Variants in P2RX3 observed in about 807,000 individuals in gnomAD.
P2RX3 encodes the protein P2X purinoceptor 3.
P2RX3 carries 41 observed loss-of-function variants against 51.5 expected under a neutral mutation model. The observed-to-expected ratio is 0.80, with a 90% CI of 0.62 to 1.03. The LOEUF (loss-of-function observed/expected upper bound fraction) is 1.03. Among genes scored for constraint, P2RX3 ranks in the 50% least tolerant of loss-of-function variants. The pLI is 0.00. For synonymous variants in P2RX3, 185 were observed against 191.6 expected (o/e 0.97, Z 0.29); for missense variants, 459 against 522.1 (o/e 0.88, Z 1.18).
At chr11:57,351,014 C>T (rs1003230746) in intron 8 of P2RX3, 116 bp downstream of exon 8, 77 of 1,446,602 alleles carry the variant, frequency 5.3e-5, no homozygotes, top group Non-Finnish European at 7.1e-5. Context: ...CAAGTCCCAC[C>T]TCAGGTTTCA....
intron 6 of P2RX3, 139 bp downstream of exon 6, chr11:57,348,843 T>G: frequency 1.6e-6 from 1 of 608,120 alleles, no homozygotes; most frequent in Non-Finnish European, 2.8e-6. Flanking sequence ...GGGCCTACCA[T>G]TCCCAATCTC....
intron 7 of P2RX3, 27 bp from the exon 8 acceptor site, chr11:57,350,733 GAA>G: frequency 6.2e-7 from 1 of 1,613,058 alleles, no homozygotes; most frequent in Non-Finnish European, 8.5e-7. Context: ...AGGGCGAGGG[GAA>G]AGCTCATACC....
intron 8 of P2RX3, among the ~76,000 whole-genome samples, chr11:57,359,123 C>T (rs551783506): frequency 4.8e-4 from 73 of 152,316 alleles, no homozygotes; most frequent in African/African-American, 1.7e-3. Context: ...CCACTGTAGA[C>T]CTGCCGCCCC....
At position 57,371,596 on chromosome 11, in the gene P2RX3, G is replaced by A. The variant is rs1026444480; in HGVS notation, c.*1599G>A. Among the ~76,000 whole-genome samples, 21 of 152,162 alleles carry A rather than the reference G, an allele frequency of 1.4e-4. No homozygotes were observed. The highest frequency in any genetic ancestry group is 4.6e-4 in the Admixed American group (7 of 15,286). ...TGACCCCCCGCTCCAGGGGGAGAAG[G>A]GGTAAGACCCACCCCACATAAAGCT... On this transcript the variant is annotated 3_prime_UTR_variant, in exon 12 of 12. Transcript: ENST00000263314.
At position 57,355,434 on chromosome 11, in the gene P2RX3, G is replaced by A. The variant is rs566174616; in HGVS notation, c.842+4536G>A. 1.7e-4 allele frequency among the ~76,000 whole-genome samples: 25 copies of A among 145,898 alleles called. No homozygotes were observed. The South Asian group carries it at 2.8e-3, about 16-fold the overall frequency. The stretch of plus-strand genomic sequence containing the variant: ...CGGCTCACTGCAACCTCTACCTCCC[G>A]GGTTGATGCAATTCCCCTGCCTCAG... On this transcript the variant is annotated intron_variant, in intron 8 of 11. Transcript: ENST00000263314.
chr11:57,354,860 A>T (rs1244749044), intron 8 of P2RX3, among the ~76,000 whole-genome samples: 1 of 152,200 alleles, frequency 6.6e-6, no homozygotes, highest in Non-Finnish European at 1.5e-5. Context: ...GGAGAGTTTA[A>T]TAAAGGGACT....
chr11:57,353,874 C>T (rs2134428372), intron 8 of P2RX3, among the ~76,000 whole-genome samples: 1 of 127,752 alleles, frequency 7.8e-6, no homozygotes, highest in South Asian at 2.5e-4. Context: ...AGCTCTTTGC[C>T]TGCAGAATCA....
chr11:57,336,867 C>A (rs1352641617), upstream of P2RX3, among the ~76,000 whole-genome samples: 1 of 152,212 alleles, frequency 6.6e-6, no homozygotes, highest in Non-Finnish European at 1.5e-5. Flanking sequence ...GAACTCATAG[C>A]TTTAACCTCT....
chr11:57,351,359 C>T (rs540601177), intron 8 of P2RX3, among the ~76,000 whole-genome samples: 53 of 152,298 alleles, frequency 3.5e-4, no homozygotes, highest in African/African-American at 1.2e-3. Context: ...CATTTCTCTC[C>T]GCAAACGTGT....
At chr11:57,341,778 G>T (rs1856344340) in intron 1 of P2RX3, among the ~76,000 whole-genome samples, 1 of 152,112 alleles carries the variant, frequency 6.6e-6, no homozygotes, top group Non-Finnish European at 1.5e-5. Context: ...CCAGGCCTTT[G>T]ATGCCCCATT....
chr11:57,368,225 G>T, intron 9 of P2RX3, 123 bp downstream of exon 9: 1 of 1,296,544 alleles, frequency 7.7e-7, no homozygotes, highest in South Asian at 1.2e-5. Context: ...CACCCTCAGT[G>T]GGTCACTCTC....
chr11:57,369,833 AG>A lies in P2RX3; in HGVS notation c.1081-49del, dbSNP rs775401063. 5 of 1,301,294 alleles carry A rather than the reference AG, an allele frequency of 3.8e-6. No individual in the cohort carries two copies. The Admixed American group carries it at 7.1e-5, about 18-fold the overall frequency. The allele number at this position is 1,301,294 out of a possible 1,614,324, so 80.6% of individuals were successfully genotyped here. A position where few individuals can be genotyped will look rare whatever the true frequency, so the allele number is the denominator to read the frequency against. On this transcript the variant is annotated intron_variant, in intron 11 of 11. Coordinates refer to ENST00000263314, the MANE Select transcript of P2RX3 (RefSeq NM_002559.5). ...AGTCTGTCAAATGGGGTCACAAAAG[AG>A]GACATTGCCCATAGTCAGAACTTGA...
chr11:57,346,634 C>G lies in P2RX3; in HGVS notation c.210C>G (p.Tyr70Ter), dbSNP rs149738072. Reference protein sequence around the residue: ...VVTKVKGSGLYANRVMDVSDY... With the variant: ...VVTKVKGSGL Reference sequence around the variant, plus strand: ...CCAAGGTGAAGGGCTCCGGACTCTACGCCAACAGAGTCATGGATGTGTCTG... The same window carrying G: ...CCAAGGTGAAGGGCTCCGGACTCTAGGCCAACAGAGTCATGGATGTGTCTG... Residue 70 changes from tyrosine to a stop codon, truncating the protein, a stop_gained, in exon 2 of 12, where the codon TAC becomes TAG. Transcript: ENST00000263314. LOFTEE classifies it high-confidence loss of function. The G allele has an allele frequency of 1.2e-6, 2 of 1,614,092 alleles. No individual in the cohort carries two copies. The highest frequency in any genetic ancestry group is 1.1e-5 in the South Asian group (1 of 91,088).
chr11:57,342,064 T>C (rs1219009273), intron 1 of P2RX3, among the ~76,000 whole-genome samples: 1 of 151,490 alleles, frequency 6.6e-6, no homozygotes, highest in Non-Finnish European at 1.5e-5. Flanking sequence ...AGGGTATCAC[T>C]GTGAGGCACC....
intron 8 of P2RX3, among the ~76,000 whole-genome samples, chr11:57,354,805 G>A (rs1409818356): frequency 6.6e-6 from 1 of 152,074 alleles, no homozygotes; most frequent in South Asian, 2.1e-4. Context: ...TATCCGTCAG[G>A]GTCCCCGCAG....
chr11:57,355,494 C>T (rs576262362), intron 8 of P2RX3, among the ~76,000 whole-genome samples: 159 of 152,142 alleles, frequency 1.0e-3, no homozygotes, highest in African/African-American at 3.7e-3. Flanking sequence ...GTGCCCGCCA[C>T]CACGCCCAGC....
At chr11:57,368,647 C>A (rs922963757) in intron 10 of P2RX3, among the ~76,000 whole-genome samples, 2 of 152,240 alleles carry the variant, frequency 1.3e-5, no homozygotes, top group Non-Finnish European at 2.9e-5. Context: ...AGCTCATTAC[C>A]TCCGGAAGCA....
chr11:57,347,091 T>G lies in P2RX3; in HGVS notation c.256-25T>G, dbSNP rs1856450184. On this transcript the variant is annotated intron_variant, in intron 2 of 11. Coordinates refer to ENST00000263314, the MANE Select transcript of P2RX3 (RefSeq NM_002559.5). ...CACTGATTGGGACTGTTGGATGTTT[T>G]TCTCTCCCTTCTTCTCCTCCCAAGG... is the stretch of plus-strand genomic sequence containing the variant. 3 of 1,606,462 alleles carry G rather than the reference T, an allele frequency of 1.9e-6. No homozygotes were observed. In the East Asian group the frequency reaches 6.7e-5, roughly 36 times the overall value.
Position 57,350,605 on chromosome 11 carries a change from A to G in P2RX3, c.706-157A>G, listed in dbSNP as rs921958127. ...CCACCACAGCACTTCTTTACTGAGC[A>G]GTATATGACATGTCACTTTCCGTTC... On this transcript the variant is annotated intron_variant, in intron 7 of 11. Coordinates refer to ENST00000263314, the MANE Select transcript of P2RX3 (RefSeq NM_002559.5). 6 of 931,362 alleles carry G rather than the reference A, an allele frequency of 6.4e-6. No individual in the cohort carries two copies. The Admixed American group carries it at 1.5e-4, about 23-fold the overall frequency. 57.7% of individuals were successfully genotyped at this position (931,362 alleles called of 1,614,324 possible).
Sources: allele counts gnomAD v4.1 joint callset (sites outside exome capture counted in the v4.1 genomes callset), GRCh38; gene constraint gnomAD v4.1.1; transcripts MANE v1.5; gene names NCBI Gene and HGNC (gene_info 2026-07-23, HGNC 2026-07-21).